GNG5: variants seen among roughly 807,000 people sequenced by gnomAD.
GNG5 encodes the protein G protein subunit gamma 5.
GNG5 carries 2 observed loss-of-function variants against 6.2 expected under a neutral mutation model. The ratio of observed to expected loss-of-function variants is 0.32; its 90% CI spans 0.13 to 1.01. GNG5 has a LOEUF of 1.01. GNG5 is among the 50% of genes least tolerant of loss of function. The pLI, the probability that GNG5 is intolerant of heterozygous loss-of-function variation, is 0.48. For missense variants in GNG5, 57 were observed against 80.2 expected (o/e 0.71, Z 1.10); for synonymous variants, 24 against 33.0 (o/e 0.73, Z 0.93).
In GNG5 at chr1:84,505,920, C is replaced by A. The variant is rs577519852; in HGVS notation, c.81+91G>T. ...CCTCTCCAGGGGAAGCGAGGGCCGGCGCGTGTCCCGCCCGCCCCCGCCAGC... is the reference window on the plus strand; with the variant it reads ...CCTCTCCAGGGGAAGCGAGGGCCGGAGCGTGTCCCGCCCGCCCCCGCCAGC... On this transcript the variant is annotated intron_variant, in intron 2 of 3. Coordinates refer to ENST00000370645, the MANE Select transcript of GNG5 (RefSeq NM_005274.3). The A allele has an allele frequency of 4.4e-6, 4 of 900,440 alleles. No homozygotes were observed. In the Admixed American group the frequency reaches 1.8e-4, roughly 40 times the overall value. 55.8% of individuals were successfully genotyped at this position (900,440 alleles called of 1,614,324 possible).
At chr1:84,505,025 G>A (rs555494028) in intron 2 of GNG5, among the ~76,000 whole-genome samples, 3 of 152,328 alleles carry the variant, frequency 2.0e-5, no homozygotes, top group South Asian at 2.1e-4. Flanking sequence ...AGCCTGATGA[G>A]TATAAAATCA....
At chr1:84,500,873 AAGTT>A (rs1280420199) in intron 3 of GNG5, among the ~76,000 whole-genome samples, 4 of 152,202 alleles carry the variant, frequency 2.6e-5, no homozygotes, top group African/African-American at 7.2e-5. Flanking sequence ...AGAAGTCAGA[AAGTT>A]AGTAAGGGGT....
At chr1:84,499,972 G>A (rs1328332225) in intron 3 of GNG5, among the ~76,000 whole-genome samples, 2 of 152,316 alleles carry the variant, frequency 1.3e-5, no homozygotes, top group South Asian at 2.1e-4. Flanking sequence ...GTGTGCACCT[G>A]TAATCCCAGC....
At chr1:84,500,097 G>A (rs1682026186) in intron 3 of GNG5, among the ~76,000 whole-genome samples, 1 of 152,170 alleles carries the variant, frequency 6.6e-6, no homozygotes, top group Non-Finnish European at 1.5e-5. Context: ...TAACTCCAAT[G>A]TAGATTCTTT....
chr1:84,501,211 T>C (rs973275823), intron 3 of GNG5, among the ~76,000 whole-genome samples: 2 of 152,188 alleles, frequency 1.3e-5, no homozygotes, highest in African/African-American at 4.8e-5. Context: ...ATATACTGCA[T>C]TTCCTTCATG....
At chr1:84,498,943 T>C (rs1373535411) in intron 3 of GNG5, among the ~76,000 whole-genome samples, 1 of 152,124 alleles carries the variant, frequency 6.6e-6, no homozygotes, top group Admixed American at 6.5e-5. Flanking sequence ...TAGAGAAACA[T>C]GTACAAGGAT....
In GNG5 at chr1:84,501,986, A is replaced by AG. The variant is rs748294313; in HGVS notation, c.82-17dup. ...CCTGGGAAACCTATACATAACAAAG[A>AG]GGGGGGGAAGTGCCAGATGGTGAGA... On this transcript the variant is annotated splice_polypyrimidine_tract_variant and intron_variant, in intron 2 of 3. Transcript: ENST00000370645. The AG allele has an allele frequency of 2.4e-5, 38 of 1,602,238 alleles. No homozygotes were observed. The highest frequency in any genetic ancestry group is 1.7e-4 in the Middle Eastern group (1 of 6,032).
intron 3 of GNG5, among the ~76,000 whole-genome samples, chr1:84,499,515 A>AC (rs1288189538): frequency 5.3e-5 from 8 of 152,204 alleles, no homozygotes; most frequent in African/African-American, 1.9e-4. Flanking sequence ...CAAAATCTTC[A>AC]CCTCACTGTA....
intron 2 of GNG5, among the ~76,000 whole-genome samples, chr1:84,503,420 C>T (rs1383140550): frequency 6.6e-6 from 1 of 152,158 alleles, no homozygotes; most frequent in Non-Finnish European, 1.5e-5. Flanking sequence ...CTTATCGAAT[C>T]TATTTGTGTG....
chr1:84,501,143 G>T (rs945353531), intron 3 of GNG5, among the ~76,000 whole-genome samples: 6 of 152,032 alleles, frequency 3.9e-5, no homozygotes, highest in Non-Finnish European at 8.8e-5. Flanking sequence ...AGCCAACAGG[G>T]TCTTTAGTTT....
At position 84,506,269 on chromosome 1, in the gene GNG5, G is replaced by A. The variant is rs941836552; in HGVS notation, c.-178C>T. 4 of 463,924 alleles carry A rather than the reference G, an allele frequency of 8.6e-6. No homozygotes were observed. The highest frequency in any genetic ancestry group is 1.5e-5 in the Non-Finnish European group (4 of 268,608). 28.7% of individuals were successfully genotyped at this position (463,924 alleles called of 1,614,324 possible). On this transcript the variant is annotated 5_prime_UTR_variant, in exon 2 of 4. Transcript: ENST00000370645. ...CGCATGCGCGCCTTGCCAGCCCTCT[G>A]TTCCAGCTCCACACCCGGCCCCGAG...
intron 3 of GNG5, among the ~76,000 whole-genome samples, chr1:84,499,115 TTAA>T (rs1298730686): frequency 1.3e-5 from 2 of 152,150 alleles, no homozygotes; most frequent in Non-Finnish European, 2.9e-5. Flanking sequence ...ATATTTCAGT[TTAA>T]TAGAGTATAA....
chr1:84,505,723 A>G (rs1324345598), intron 2 of GNG5, among the ~76,000 whole-genome samples: 1 of 152,188 alleles, frequency 6.6e-6, no homozygotes, highest in African/African-American at 2.4e-5. Context: ...CAAGGGAGGT[A>G]GAGACGGAGG....
chr1:84,502,525 G>A (rs968746850), intron 2 of GNG5, among the ~76,000 whole-genome samples: 9 of 152,254 alleles, frequency 5.9e-5, no homozygotes, highest in Admixed American at 5.9e-4. Flanking sequence ...AGCATCAGAT[G>A]ACTGAGTACA....
At chr1:84,501,348 T>C (rs1682053146) in intron 3 of GNG5, among the ~76,000 whole-genome samples, 1 of 152,248 alleles carries the variant, frequency 6.6e-6, no homozygotes, top group African/African-American at 2.4e-5. Context: ...TCCCAATCTT[T>C]GCTATACTGC....
Position 84,506,000 on chromosome 1 carries a change from C to T in GNG5, c.81+11G>A, listed in dbSNP as rs768507377. 1 of 1,510,822 alleles carries T rather than the reference C, an allele frequency of 6.6e-7. No homozygotes were observed. The highest frequency in any genetic ancestry group is 8.8e-7 in the Non-Finnish European group (1 of 1,130,536). The allele number at this position is 1,510,822 out of a possible 1,614,324, so 93.6% of individuals were successfully genotyped here. ...GCCTTCCTCCCGCCTCGGCCGCCCG[C>T]CCCCGCTCACTTTTACGCGGTTGAG... is the stretch of plus-strand genomic sequence containing the variant. On this transcript the variant is annotated intron_variant, in intron 2 of 3. Transcript: ENST00000370645.
At position 84,506,056 on chromosome 1, in the gene GNG5, T is replaced by A. The variant is rs1490471674; in HGVS notation, c.36A>T (p.Lys12Asn). Residue 12 changes from lysine (K) to asparagine (N), a missense_variant, in exon 2 of 4, where the codon AAA becomes AAT. Physicochemically the swap from Lys to Asn is moderately conservative, Grantham distance 94 (BLOSUM62 0). Coordinates refer to ENST00000370645, the MANE Select transcript of GNG5 (RefSeq NM_005274.3). ...CCTCCAGCCGGAGCTGTTGAACCAC[T>A]TTCTTCATAGCGGCGACGCTGGAGG... ...SGSSSVAAMK[K>N]VVQQLRLEAG... 2 of 1,578,036 alleles carry A rather than the reference T, an allele frequency of 1.3e-6. No homozygotes were observed. Among genetic ancestry groups the A allele is most frequent in the Non-Finnish European group, 1.7e-6 (2 of 1,164,222 alleles).
intron 2 of GNG5, 30 bp downstream of exon 2, chr1:84,505,981 C>T: frequency 2.1e-6 from 3 of 1,444,606 alleles, no homozygotes; most frequent in Non-Finnish European, 2.8e-6. Context: ...CGCCGCCTTC[C>T]TCCCGCCTCG....
intron 3 of GNG5, among the ~76,000 whole-genome samples, chr1:84,499,891 A>G (rs1294138910): frequency 6.6e-6 from 1 of 152,158 alleles, no homozygotes; most frequent in Admixed American, 6.5e-5. Context: ...TGAGGTGGGC[A>G]GATCACCTGA....
Sources: allele counts gnomAD v4.1 joint callset (sites outside exome capture counted in the v4.1 genomes callset), GRCh38; gene constraint gnomAD v4.1.1; transcripts MANE v1.5; gene names NCBI Gene and HGNC (gene_info 2026-07-23, HGNC 2026-07-21).